Variants in MYO16 observed in about 807,000 individuals in gnomAD.
MYO16 encodes unconventional myosin-XVI.
Under a neutral mutation model 205.3 loss-of-function variants are expected in MYO16, and 94 were observed. The ratio of observed to expected loss-of-function variants is 0.46; its 90% confidence interval spans 0.39 to 0.54. The LOEUF is 0.54. Ranked by LOEUF, MYO16 falls within the 20% of genes least tolerant of loss-of-function variation. MYO16 has a pLI of 0.00. For missense variants in MYO16, 2,315 were observed against 2,387.5 expected (o/e 0.97, Z 0.63); for synonymous variants, 988 against 954.0 (o/e 1.04, Z -0.66).
intron 20 of MYO16, among the ~76,000 whole-genome samples, chr13:108,968,861 G>A (rs1221407816): frequency 1.3e-5 from 2 of 152,216 alleles, no homozygotes; most frequent in Non-Finnish European, 2.9e-5. Flanking sequence ...AACGCAGGAA[G>A]ACTGCCCTGA....
the MYO16 span, among the ~76,000 whole-genome samples, chr13:108,516,336 G>A: frequency 2.0e-5 from 3 of 151,772 alleles, no homozygotes; most frequent in East Asian, 3.9e-4. Context: ...GCTTCGGCTC[G>A]CGCACGGTGC....
intron 2 of MYO16, among the ~76,000 whole-genome samples, chr13:108,704,350 A>G (rs1883422909): frequency 6.6e-6 from 1 of 152,232 alleles, no homozygotes; most frequent in South Asian, 2.1e-4. Flanking sequence ...TTATAGCTAT[A>G]AACACTCATC....
chr13:109,035,947 C>A (rs1245903184), intron 23 of MYO16, among the ~76,000 whole-genome samples: 1 of 152,190 alleles, frequency 6.6e-6, no homozygotes. Flanking sequence ...AAAGCATTTG[C>A]ATTTTTATTA....
chr13:108,634,505 G>A (rs564710445), intron 1 of MYO16, among the ~76,000 whole-genome samples: 12 of 152,000 alleles, frequency 7.9e-5, no homozygotes, highest in East Asian at 7.7e-4. Flanking sequence ...CTCTTCCCTC[G>A]GGCCACCACC....
At chr13:108,588,465 A>G in the MYO16 span, among the ~76,000 whole-genome samples, 777 of 152,306 alleles carry the variant, frequency 5.1e-3, 7 homozygotes, top group Middle Eastern at 0.01. Flanking sequence ...GCAGATTTAG[A>G]AACAGTTTTT....
chr13:109,098,358 C>T (rs1272495902), intron 27 of MYO16, among the ~76,000 whole-genome samples: 2 of 152,108 alleles, frequency 1.3e-5, no homozygotes, highest in African/African-American at 2.4e-5. Context: ...CTTTGAGAAT[C>T]GACAAACTCT....
intron 22 of MYO16, among the ~76,000 whole-genome samples, chr13:109,019,302 A>G (rs1885940826): frequency 6.6e-6 from 1 of 152,246 alleles, no homozygotes; most frequent in East Asian, 1.9e-4. Context: ...ATGACTTAAC[A>G]TCACGATAAG....
At chr13:108,732,689 T>G (rs188172574) in intron 4 of MYO16, among the ~76,000 whole-genome samples, 1 of 151,890 alleles carries the variant, frequency 6.6e-6, no homozygotes, top group Admixed American at 6.6e-5. Flanking sequence ...AAGAAGGAGG[T>G]ATGGAAAGAA....
At chr13:108,623,699 C>T (rs1220652511) in intron 1 of MYO16, among the ~76,000 whole-genome samples, 1 of 152,072 alleles carries the variant, frequency 6.6e-6, no homozygotes, top group Non-Finnish European at 1.5e-5. Context: ...TGCTTTAGAG[C>T]AATTCTAATT....
At chr13:108,706,833 G>A (rs897013075) in intron 2 of MYO16, among the ~76,000 whole-genome samples, 1 of 152,200 alleles carries the variant, frequency 6.6e-6, no homozygotes, top group African/African-American at 2.4e-5. Context: ...AAGTCTGAAA[G>A]CCATGGCCAA....
intron 2 of MYO16, among the ~76,000 whole-genome samples, chr13:108,684,219 G>A (rs1882582811): frequency 6.6e-6 from 1 of 152,184 alleles, no homozygotes; most frequent in Non-Finnish European, 1.5e-5. Context: ...GTGCAGGCTG[G>A]ATTCCAAGCA....
intron 6 of MYO16, among the ~76,000 whole-genome samples, chr13:108,805,756 C>G (rs1028887378): frequency 1.3e-5 from 2 of 151,766 alleles, no homozygotes; most frequent in African/African-American, 2.4e-5. Flanking sequence ...GTTCCAAAGG[C>G]CTTATTTCTA....
At chr13:109,047,840 A>G (rs1315030168) in intron 24 of MYO16, among the ~76,000 whole-genome samples, 1 of 152,146 alleles carries the variant, frequency 6.6e-6, no homozygotes, top group African/African-American at 2.4e-5. Flanking sequence ...TTTGAGAAAC[A>G]TATTTGCCTC....
intron 23 of MYO16, among the ~76,000 whole-genome samples, chr13:109,034,057 G>A (rs1370236884): frequency 6.6e-6 from 1 of 152,104 alleles, no homozygotes; most frequent in Non-Finnish European, 1.5e-5. Flanking sequence ...GAGCAAATGG[G>A]CGTACCTTGA....
chr13:108,714,103 C>G (rs9559393), intron 3 of MYO16, among the ~76,000 whole-genome samples: 7,648 of 152,144 alleles, frequency 0.05, 239 homozygotes, highest in East Asian at 0.13. Context: ...GTCGCCCAGG[C>G]TGGAGTGCAG....
chr13:108,882,815 G>A (rs1335315508), intron 12 of MYO16, among the ~76,000 whole-genome samples: 5 of 152,194 alleles, frequency 3.3e-5, no homozygotes, highest in African/African-American at 1.2e-4. Flanking sequence ...AAAGACAGCA[G>A]AATAATTAAA....
intron 16 of MYO16, among the ~76,000 whole-genome samples, chr13:108,921,329 G>A (rs180678584): frequency 9.0e-4 from 137 of 152,254 alleles, no homozygotes; most frequent in Non-Finnish European, 1.3e-3. Flanking sequence ...GTGGATCATG[G>A]TCCATGTCCC....
chr13:108,824,879 A>C (rs1006638492), intron 9 of MYO16, among the ~76,000 whole-genome samples: 2 of 152,136 alleles, frequency 1.3e-5, no homozygotes, highest in African/African-American at 4.8e-5. Flanking sequence ...GAACATTGGA[A>C]TAGACCTACA....
intron 30 of MYO16, among the ~76,000 whole-genome samples, chr13:109,126,957 G>A (rs1489167041): frequency 6.6e-6 from 1 of 152,226 alleles, no homozygotes; most frequent in Non-Finnish European, 1.5e-5. Context: ...TAATCAGAGT[G>A]TGAAGAATTC....
Sources: gnomAD v4.1 joint callset for allele counts (sites outside exome capture counted in the v4.1 genomes callset) on GRCh38, gnomAD v4.1.1 for gene constraint, MANE v1.5 for transcripts, NCBI Gene and HGNC (gene_info 2026-07-23, HGNC 2026-07-21) for gene names.